The following USP4 variants were observed in gnomAD, a reference collection of about 807,000 sequenced individuals.
The protein encoded by USP4 is ubiquitin specific peptidase 4.
Under a neutral mutation model 118.2 loss-of-function variants are expected in USP4, and 72 were observed. That is an observed-to-expected ratio of 0.61 (90% CI 0.50 to 0.74). The LOEUF is 0.74. Among genes scored for constraint, USP4 ranks in the 30% least tolerant of loss-of-function variants. The pLI, the probability that USP4 is intolerant of heterozygous loss-of-function variation, is 0.00. For synonymous variants in USP4, 415 were observed against 440.4 expected (o/e 0.94, Z 0.72); for missense variants, 1,037 against 1,185.7 (o/e 0.87, Z 1.84).
chr3:49,303,442 A>T (rs2047280779), intron 9 of USP4, among the ~76,000 whole-genome samples: 1 of 150,036 alleles, frequency 6.7e-6, no homozygotes, highest in South Asian at 2.1e-4. Flanking sequence ...CTGTCTCAAA[A>T]AAAAAAAAAA....
chr3:49,331,314 C>T (rs1187206004), intron 2 of USP4, among the ~76,000 whole-genome samples: 14 of 94,440 alleles, frequency 1.5e-4, no homozygotes, highest in Non-Finnish European at 2.2e-4. Context: ...AGCAAAACTC[C>T]GACTCAAAAA....
At chr3:49,301,497 G>A (rs2047263053) in intron 10 of USP4, among the ~76,000 whole-genome samples, 3 of 151,914 alleles carry the variant, frequency 2.0e-5, no homozygotes, top group African/African-American at 4.8e-5. Flanking sequence ...ATATCAGCCT[G>A]GCCAACATGG....
At chr3:49,281,129 C>T (rs1353193361) in intron 19 of USP4, among the ~76,000 whole-genome samples, 6 of 151,804 alleles carry the variant, frequency 4.0e-5, no homozygotes, top group African/African-American at 9.7e-5. Flanking sequence ...GAGACGAGCC[C>T]GACCAACATG....
At position 49,310,751 on chromosome 3, in the gene USP4, C is replaced by T. The variant is rs1487620996; in HGVS notation, c.837-14G>A. On this transcript the variant is annotated splice_polypyrimidine_tract_variant and intron_variant, in intron 7 of 21. Transcript: ENST00000265560. ...AAGCCAGATCCACTGGAAAACACAA[C>T]ACACATCAGCAATAAAAGCAAGTGC... The T allele has an allele frequency of 1.9e-6, 3 of 1,595,846 alleles. No individual in the cohort carries two copies. Among genetic ancestry groups the T allele is most frequent in the African/African-American group, 1.3e-5 (1 of 74,674 alleles).
intron 2 of USP4, among the ~76,000 whole-genome samples, chr3:49,331,185 T>C (rs748650073): frequency 2.2e-4 from 33 of 148,904 alleles, no homozygotes; most frequent in Non-Finnish European, 3.4e-4. Flanking sequence ...CTGGGCGTGG[T>C]GGCGCACGCC....
At chr3:49,283,173 A>G (rs1034465529) in intron 19 of USP4, among the ~76,000 whole-genome samples, 1 of 150,614 alleles carries the variant, frequency 6.6e-6, no homozygotes, top group Middle Eastern at 3.2e-3. Flanking sequence ...GCGCCACCAC[A>G]TCCAGCTAAC....
chr3:49,336,910 C>G (rs2047674124), intron 1 of USP4, among the ~76,000 whole-genome samples: 2 of 152,138 alleles, frequency 1.3e-5, no homozygotes, highest in Non-Finnish European at 2.9e-5. Flanking sequence ...ATGAACAGCA[C>G]TAAACTAATG....
rs778473322 is a variant in USP4, at chr3:49,324,721, T to C, written c.676A>G (p.Arg226Gly). 8.1e-6 allele frequency: 13 copies of C among 1,614,110 alleles called. No individual in the cohort carries two copies. Among genetic ancestry groups the C allele is most frequent in the Non-Finnish European group, 8.5e-7 (1 of 1,180,038 alleles). ...ACTTACTTTGACTGCAAGGTCTGCC[T>C]GGGCCATGTGCCATCTTCATTTTGA... ...EPQNEDGTWP[R>G]QTLQSKSSTA... is the part of the protein sequence containing the mutation. Residue 226 changes from arginine (R) to glycine (G), a missense_variant, in exon 6 of 22, where the codon AGG becomes GGG. This residue lies in a region of USP4 where 487 missense variants were observed against 534.1 expected (regional missense o/e 0.91). Coordinates refer to ENST00000265560, the MANE Select transcript of USP4 (RefSeq NM_003363.4).
At chr3:49,330,977 C>T (rs1439639850) in intron 2 of USP4, among the ~76,000 whole-genome samples, 2 of 146,540 alleles carry the variant, frequency 1.4e-5, no homozygotes, top group African/African-American at 2.5e-5. Context: ...GAGATCGCGC[C>T]ACTGCACTCC....
Position 49,324,926 on chromosome 3 carries a change from T to G in USP4, c.601A>C (p.Thr201Pro). The G allele has an allele frequency of 6.2e-7, 1 of 1,614,144 alleles. No individual in the cohort carries two copies. The highest frequency in any genetic ancestry group is 8.5e-7 in the Non-Finnish European group (1 of 1,180,018). ...TYEQLSKLDN[T>P]VQDAGLYQGQ... ...TGGTATAGCCCAGCATCCTGGACAGTGTTGTCTAGCTTGCTCAACTGCTCG... is the reference window on the plus strand; with the variant it reads ...TGGTATAGCCCAGCATCCTGGACAGGGTTGTCTAGCTTGCTCAACTGCTCG... The change falls in exon 5 of 22, where the codon ACT (threonine) becomes CCT (proline). Residue 201 changes from threonine to proline, a missense_variant. This residue lies in a region of USP4 where 487 missense variants were observed against 534.1 expected (regional missense o/e 0.91). Coordinates refer to ENST00000265560, the MANE Select transcript of USP4 (RefSeq NM_003363.4).
chr3:49,334,638 G>A (rs529681665), intron 2 of USP4, among the ~76,000 whole-genome samples: 1 of 152,220 alleles, frequency 6.6e-6, no homozygotes, highest in South Asian at 2.1e-4. Flanking sequence ...CAGTGACTAA[G>A]GAGGCTGAGG....
intron 8 of USP4, among the ~76,000 whole-genome samples, chr3:49,309,430 C>A (rs1261104337): frequency 2.6e-5 from 4 of 151,960 alleles, no homozygotes; most frequent in Non-Finnish European, 5.9e-5. Context: ...GGTTTATTTT[C>A]TTTTCCATTT....
intron 20 of USP4, among the ~76,000 whole-genome samples, chr3:49,279,805 G>A (rs571128242): frequency 6.6e-6 from 1 of 152,336 alleles, no homozygotes; most frequent in African/African-American, 2.4e-5. Flanking sequence ...AGTTCACACA[G>A]TCTGTGCTTG....
intron 4 of USP4, 70 bp downstream of exon 4, chr3:49,325,649 T>TTCCC: frequency 6.3e-7 from 1 of 1,583,794 alleles, no homozygotes; most frequent in Non-Finnish European, 8.6e-7. Flanking sequence ...TAATGCCCTC[T>TTCCC]TCCCTCCCAT....
At position 49,300,704 on chromosome 3, in the gene USP4, G is replaced by A; in HGVS notation, c.1288-13C>T. The A allele has an allele frequency of 6.2e-7, 1 of 1,612,000 alleles. No individual in the cohort carries two copies. Among genetic ancestry groups the A allele is most frequent in the East Asian group, 2.2e-5 (1 of 44,862 alleles). ...CCTTTGCCACCACCTGCGTCAAAGG[G>A]ATAAACAGGACATTCTCAACACCTC... is the stretch of plus-strand genomic sequence containing the variant. On this transcript the variant is annotated splice_polypyrimidine_tract_variant and intron_variant, in intron 10 of 21. Transcript: ENST00000265560.
At chr3:49,310,524 G>C in intron 8 of USP4, 96 bp downstream of exon 8, 1 of 1,015,542 alleles carries the variant, frequency 9.8e-7, no homozygotes, top group Non-Finnish European at 1.6e-6. Flanking sequence ...GGGTAGGCAG[G>C]GACTCCTGGG....
At chr3:49,339,539 A>G (rs1376133266) in intron 1 of USP4, among the ~76,000 whole-genome samples, 1 of 152,226 alleles carries the variant, frequency 6.6e-6, no homozygotes, top group Non-Finnish European at 1.5e-5. Context: ...GAGGTCGGTG[A>G]GCCAAATATT....
intron 14 of USP4, among the ~76,000 whole-genome samples, 179 bp from the exon 15 acceptor site, chr3:49,292,777 C>T (rs2047164356): frequency 6.6e-6 from 1 of 152,154 alleles, no homozygotes; most frequent in Non-Finnish European, 1.5e-5. Context: ...GGTGGCTAAT[C>T]CCAGCACATT....
intron 2 of USP4, among the ~76,000 whole-genome samples, chr3:49,329,974 T>A (rs1423698796): frequency 6.6e-6 from 1 of 151,946 alleles, no homozygotes; most frequent in African/African-American, 2.4e-5. Context: ...ACCTGGTCTC[T>A]ACTAAAAATA....
Sources: gnomAD v4.1 joint callset for allele counts (sites outside exome capture counted in the v4.1 genomes callset) on GRCh38, gnomAD v4.1.1 for gene constraint, gnomAD v4.1.1 regional missense constraint, MANE v1.5 for transcripts, NCBI Gene and HGNC (gene_info 2026-07-23, HGNC 2026-07-21) for gene names.